RPS6KA2: variants seen among roughly 807,000 people sequenced by gnomAD.
RPS6KA2 encodes ribosomal protein S6 kinase A2, also known as ribosomal protein S6 kinase alpha-2.
In RPS6KA2, 42 loss-of-function variants were observed where a neutral mutation model predicts 91.8. The observed-to-expected ratio is 0.46, with a 90% CI of 0.36 to 0.59. The LOEUF is 0.59. Among genes scored for constraint, RPS6KA2 ranks in the 20% least tolerant of loss-of-function variants. The pLI, the probability that RPS6KA2 is intolerant of heterozygous loss-of-function variation, is 0.00. For missense variants in RPS6KA2, 798 were observed against 978.5 expected (o/e 0.82, Z 2.46); for synonymous variants, 414 against 393.6 (o/e 1.05, Z -0.61).
intron 2 of RPS6KA2, among the ~76,000 whole-genome samples, chr6:166,647,243 C>T (rs950476772): frequency 6.6e-6 from 1 of 152,110 alleles, no homozygotes; most frequent in Non-Finnish European, 1.5e-5. Flanking sequence ...CCTGATTTCT[C>T]CCCTTTCACG....
chr6:166,484,010 A>G (rs962421036), intron 10 of RPS6KA2, among the ~76,000 whole-genome samples: 3 of 152,248 alleles, frequency 2.0e-5, no homozygotes, highest in African/African-American at 7.2e-5. Flanking sequence ...CATGACGTCC[A>G]TGTCCACAGG....
chr6:166,646,211 T>TC (rs59676818), intron 2 of RPS6KA2, among the ~76,000 whole-genome samples: 29,062 of 151,994 alleles, frequency 0.19, 3,266 homozygotes, highest in African/African-American at 0.31. Context: ...GTCTCTCAGA[T>TC]CACGTGGAAT....
chr6:166,564,025 AG>A (rs1784420898), intron 1 of RPS6KA2, among the ~76,000 whole-genome samples: 1 of 152,230 alleles, frequency 6.6e-6, no homozygotes, highest in Non-Finnish European at 1.5e-5. Context: ...CTCACTGAGT[AG>A]GAACAGTTTG....
At chr6:166,441,642 T>C (rs1305227209) in intron 14 of RPS6KA2, among the ~76,000 whole-genome samples, 1 of 152,228 alleles carries the variant, frequency 6.6e-6, no homozygotes, top group African/African-American at 2.4e-5. Context: ...AGTCCTCTCC[T>C]TCTCCGGCCC....
At chr6:166,834,828 CTATTATTTATT>C (rs1209358873) in intron 2 of RPS6KA2, among the ~76,000 whole-genome samples, 26 of 144,710 alleles carry the variant, frequency 1.8e-4, no homozygotes, top group African/African-American at 4.2e-4. Flanking sequence ...GTATGGCGTC[CTATTATTTATT>C]TATTTATTTA....
chr6:166,752,935 C>T (rs1438164766), intron 2 of RPS6KA2, among the ~76,000 whole-genome samples: 1 of 152,244 alleles, frequency 6.6e-6, no homozygotes, highest in Non-Finnish European at 1.5e-5. Flanking sequence ...CCTAACTCTG[C>T]ACCTGGATTT....
intron 14 of RPS6KA2, among the ~76,000 whole-genome samples, chr6:166,432,971 G>A (rs1262780576): frequency 6.7e-6 from 1 of 149,598 alleles, no homozygotes; most frequent in Non-Finnish European, 1.5e-5. Flanking sequence ...CTCCAGCCTG[G>A]GTGACAGAGC....
rs3833981 is a variant in RPS6KA2 at position 166,448,217 on chromosome 6, A to AG, written c.1332+506_1332+507insC. On this transcript the variant is annotated intron_variant, in intron 14 of 20. Transcript: ENST00000265678. The surrounding 1 kb of genome is among the most constrained non-coding windows in gnomAD (Gnocchi z 4.7). The stretch of plus-strand genomic sequence containing the variant: ...TGTTGTAAGTAATACAAGCTTATTT[A>AG]TTTCTTTGAGTATTTTCTTCCTCCC... 2.0e-5 allele frequency among the ~76,000 whole-genome samples: 3 copies of AG among 152,162 alleles called. No individual in the cohort carries two copies. The East Asian group carries it at 5.8e-4, about 29-fold the overall frequency.
At chr6:166,803,248 T>G (rs1779414590) in intron 2 of RPS6KA2, among the ~76,000 whole-genome samples, 1 of 152,216 alleles carries the variant, frequency 6.6e-6, no homozygotes, top group Non-Finnish European at 1.5e-5. Context: ...TTTTAGAAGT[T>G]TGCTCTTTGT....
intron 1 of RPS6KA2, among the ~76,000 whole-genome samples, chr6:166,610,684 C>A (rs575934256): frequency 6.6e-6 from 1 of 152,286 alleles, no homozygotes; most frequent in Admixed American, 6.5e-5. Flanking sequence ...TAAAAGGCAG[C>A]GCTGCCAAAT....
intron 1 of RPS6KA2, among the ~76,000 whole-genome samples, chr6:166,562,034 C>T (rs1784360773): frequency 6.6e-6 from 1 of 152,116 alleles, no homozygotes; most frequent in Non-Finnish European, 1.5e-5. Context: ...ATTGCTGGCT[C>T]ATGTTTAGAG....
intron 10 of RPS6KA2, among the ~76,000 whole-genome samples, chr6:166,476,038 G>A (rs182553788): frequency 4.1e-4 from 62 of 152,250 alleles, no homozygotes; most frequent in African/African-American, 1.5e-3. Flanking sequence ...GTGCAAAAGG[G>A]GTCACTGCAG....
chr6:166,464,480 A>G (rs1420469752), intron 11 of RPS6KA2, among the ~76,000 whole-genome samples: 2 of 152,236 alleles, frequency 1.3e-5, no homozygotes, highest in African/African-American at 4.8e-5. Context: ...CCCTGGACAG[A>G]GTTCCAGAAA....
chr6:166,423,251 C>A lies in RPS6KA2; in HGVS notation c.1743+5G>T. ...GGCCTGGGTCTGCAGTCGGGGAATG[C>A]TCACCTCCGGGGCCACGAAATTGGC... On this transcript the variant is annotated splice_donor_5th_base_variant and intron_variant, in intron 17 of 20. Transcript: ENST00000265678. The surrounding 1 kb of genome is among the most constrained non-coding windows in gnomAD (Gnocchi z 4.8). 1 of 1,604,446 alleles carries A rather than the reference C, an allele frequency of 6.2e-7. No individual in the cohort carries two copies. The highest frequency in any genetic ancestry group is 8.5e-7 in the Non-Finnish European group (1 of 1,172,910).
intron 2 of RPS6KA2, among the ~76,000 whole-genome samples, chr6:166,652,236 A>G (rs1787875583): frequency 6.6e-6 from 1 of 152,190 alleles, no homozygotes; most frequent in Non-Finnish European, 1.5e-5. Flanking sequence ...GTTTTCTTTT[A>G]AAGCATCTCA....
chr6:166,530,874 C>T (rs986551520), intron 3 of RPS6KA2, among the ~76,000 whole-genome samples: 1 of 152,212 alleles, frequency 6.6e-6, no homozygotes, highest in Admixed American at 6.5e-5. Context: ...TATTTAAAAC[C>T]GAGTGAGGCC....
intron 6 of RPS6KA2, among the ~76,000 whole-genome samples, chr6:166,502,824 T>C (rs12524741): frequency 0.11 from 16,198 of 152,202 alleles, 1,102 homozygotes; most frequent in African/African-American, 0.19. Context: ...GCTGCTCTTG[T>C]GGGGAGACAG....
upstream of RPS6KA2, among the ~76,000 whole-genome samples, chr6:166,631,994 C>T (rs77789430): frequency 0.014 from 2,175 of 152,274 alleles, 55 homozygotes; most frequent in African/African-American, 0.05. Context: ...CCTCTCCGCA[C>T]ATTTCCAGGA....
At chr6:166,820,620 C>T (rs897765473) in intron 2 of RPS6KA2, among the ~76,000 whole-genome samples, 2 of 152,146 alleles carry the variant, frequency 1.3e-5, no homozygotes, top group African/African-American at 4.8e-5. Flanking sequence ...CAGATCTTTC[C>T]ACTGTAAAGA....
Sources: allele counts gnomAD v4.1 joint callset (sites outside exome capture counted in the v4.1 genomes callset), GRCh38; gene constraint gnomAD v4.1.1; non-coding constraint Gnocchi (gnomAD v3.1); transcripts MANE v1.5; gene names NCBI Gene and HGNC (gene_info 2026-07-23, HGNC 2026-07-21).